The following CRACD variants were observed in gnomAD, a reference collection of about 807,000 sequenced individuals.
The protein encoded by CRACD is capping protein inhibiting regulator of actin dynamics.
In CRACD, 56 loss-of-function variants were observed where a neutral mutation model predicts 106.8. The ratio of observed to expected loss-of-function variants is 0.52; its 90% confidence interval spans 0.42 to 0.66. The LOEUF (loss-of-function observed/expected upper bound fraction) is 0.66. Among genes scored for constraint, CRACD ranks in the 30% least tolerant of loss-of-function variants. CRACD has a pLI of 0.00. For missense variants in CRACD, 1,730 were observed against 1,623.2 expected (o/e 1.07, Z -1.13); for synonymous variants, 754 against 670.8 (o/e 1.12, Z -1.92).
At chr4:56,057,624 G>A (rs1480435182) in intron 1 of CRACD, among the ~76,000 whole-genome samples, 1 of 121,810 alleles carries the variant, frequency 8.2e-6, no homozygotes, top group Non-Finnish European at 1.7e-5. Context: ...AGATAGGTTG[G>A]GTTTTTTTTT....
chr4:56,204,359 A>T (rs1176517049), intron 2 of CRACD, among the ~76,000 whole-genome samples: 2 of 152,230 alleles, frequency 1.3e-5, no homozygotes, highest in Non-Finnish European at 2.9e-5. Flanking sequence ...TATTTCTTAC[A>T]GTTCTGGAGG....
intron 1 of CRACD, among the ~76,000 whole-genome samples, chr4:56,147,704 A>G (rs1735437217): frequency 6.6e-6 from 1 of 152,174 alleles, no homozygotes; most frequent in Non-Finnish European, 1.5e-5. Flanking sequence ...TAACCTTTTG[A>G]GAAATTGGCA....
chr4:56,049,802 A>C (rs1731808900), intron 1 of CRACD: 1 of 152,210 alleles, frequency 6.6e-6, no homozygotes, highest in Non-Finnish European at 1.5e-5. Flanking sequence ...CCCAATTCTG[A>C]TGAGCCACCA....
rs1201021548 is a variant in CRACD, at chr4:56,316,125, A to G, written c.2623A>G (p.Thr875Ala). The G allele has an allele frequency of 6.2e-7, 1 of 1,614,176 alleles. No homozygotes were observed. Among genetic ancestry groups the G allele is most frequent in the South Asian group, 1.1e-5 (1 of 91,088 alleles). Residue 875 changes from threonine to alanine, a missense_variant, in exon 8 of 11, where the codon ACC becomes GCC. Physicochemically the swap from Thr to Ala is moderately conservative, Grantham distance 58. Transcript: ENST00000682029. The part of the protein sequence containing the change: ...EQKKKKRHSS[T>A]GDSADAGPPA... ...GAAGAAGAAGAAGAGGCACAGCAGCACCGGAGACAGCGCGGATGCAGGGCC... is the reference window on the plus strand; with the variant it reads ...GAAGAAGAAGAAGAGGCACAGCAGCGCCGGAGACAGCGCGGATGCAGGGCC...
chr4:56,322,512 A>G (rs1040173759), intron 8 of CRACD, among the ~76,000 whole-genome samples: 1 of 152,214 alleles, frequency 6.6e-6, no homozygotes, highest in Admixed American at 6.5e-5. Context: ...AAGCCTGTGT[A>G]CTAACTGCTG....
chr4:56,288,243 T>A (rs1049239471), intron 3 of CRACD, among the ~76,000 whole-genome samples: 1 of 152,132 alleles, frequency 6.6e-6, no homozygotes, highest in African/African-American at 2.4e-5. Flanking sequence ...TTTTAAAAAA[T>A]TCCATTTTTA....
chr4:56,291,228 C>G (rs1392605700), intron 3 of CRACD, among the ~76,000 whole-genome samples: 3 of 152,140 alleles, frequency 2.0e-5, no homozygotes, highest in African/African-American at 7.2e-5. Flanking sequence ...TCTCTTGGTT[C>G]CCTCTTAAAA....
At chr4:56,147,622 G>A (rs1160807448) in intron 1 of CRACD, among the ~76,000 whole-genome samples, 1 of 152,172 alleles carries the variant, frequency 6.6e-6, no homozygotes, top group African/African-American at 2.4e-5. Context: ...TTTTTTGGTG[G>A]ACATATGTTT....
At chr4:56,118,652 T>G (rs1024352059) in intron 1 of CRACD, among the ~76,000 whole-genome samples, 17 of 152,154 alleles carry the variant, frequency 1.1e-4, no homozygotes, top group African/African-American at 4.1e-4. Context: ...TAGTCCCAGC[T>G]ACTAGGGAGG....
chr4:56,261,494 G>T (rs981819553), intron 2 of CRACD, among the ~76,000 whole-genome samples: 6 of 151,832 alleles, frequency 4.0e-5, no homozygotes, highest in Non-Finnish European at 5.9e-5. Flanking sequence ...TGGATTACAG[G>T]TGCCCACCAC....
At chr4:56,306,511 TCAAACAAACAAACAAA>T (rs61517832) in intron 4 of CRACD, among the ~76,000 whole-genome samples, 1 of 151,368 alleles carries the variant, frequency 6.6e-6, no homozygotes, top group Non-Finnish European at 1.5e-5. Context: ...AGACCGTGTC[TCAAACAAACAAACAAA>T]CAAACAAACA....
chr4:56,313,242 G>T lies in CRACD; in HGVS notation c.400G>T (p.Ala134Ser). 1 of 1,614,150 alleles carries T rather than the reference G, an allele frequency of 6.2e-7. No homozygotes were observed. The highest frequency in any genetic ancestry group is 2.2e-5 in the East Asian group (1 of 44,878). ...TCGGCCAAAAAGGCACTTCTCTTCT[G>T]CTGGCACCATCGAAAGTGTCAACTT... ...PSRPKRHFSSAGTIESVNLDA... is the reference protein window; with the variant it reads ...PSRPKRHFSSSGTIESVNLDA... The change falls in exon 7 of 11, where the codon GCT (alanine) becomes TCT (serine). Residue 134 changes from alanine (A) to serine (S), a missense_variant. Physicochemically the swap from Ala to Ser is moderately conservative, Grantham distance 99. This residue lies in a region of CRACD where 1,620 missense variants were observed against 1,481.6 expected (regional missense o/e 1.09). Transcript: ENST00000682029.
intron 2 of CRACD, among the ~76,000 whole-genome samples, chr4:56,252,416 T>C (rs563133780): frequency 6.6e-6 from 1 of 152,268 alleles, no homozygotes; most frequent in South Asian, 2.1e-4. Context: ...AAACTGTGAA[T>C]TGTGAAAAGC....
Position 56,217,401 on chromosome 4 carries a change from G to A in CRACD, c.-189+37971G>A, listed in dbSNP as rs79607230. ...AAGATATCAATCAATACATGTAAAA[G>A]TACATTGGTTCAGTCCAGAAAGGGG... On this transcript the variant is annotated intron_variant, in intron 2 of 10. Transcript: ENST00000682029. Among the ~76,000 whole-genome samples the A allele has an allele frequency of 7.0e-5, 10 of 142,392 alleles. No individual in the cohort carries two copies. In the East Asian group the frequency reaches 2.4e-3, roughly 35 times the overall value. The allele number at this position is 142,392 out of a possible 152,430, so 93.4% of individuals were successfully genotyped here.
chr4:56,231,288 A>T (rs766920530), intron 2 of CRACD, among the ~76,000 whole-genome samples: 29 of 152,222 alleles, frequency 1.9e-4, no homozygotes, highest in Non-Finnish European at 3.1e-4. Flanking sequence ...ATTGTCCAGC[A>T]ATATGTATCC....
At chr4:56,144,492 A>G (rs1735309840) in intron 1 of CRACD, among the ~76,000 whole-genome samples, 1 of 152,132 alleles carries the variant, frequency 6.6e-6, no homozygotes, top group Non-Finnish European at 1.5e-5. Flanking sequence ...AAGAAATAAT[A>G]ATAGATTTTG....
chr4:56,314,876 C>T lies in CRACD; in HGVS notation c.1374C>T (p.Ala458=), dbSNP rs543789864. The change falls in exon 8 of 11, where the codon GCC becomes GCT. Residue 458 remains alanine (A), a synonymous_variant. Transcript: ENST00000682029. The surrounding 1 kb of genome is among the most constrained non-coding windows in gnomAD (Gnocchi z 4.4). ...PGICEEQNPE[A]ERRREQQGRS... ...TTTGCGAGGAGCAGAACCCAGAGGCCGAGCGGCGAAGAGAGCAGCAGGGAA... is the reference window on the plus strand; with the variant it reads ...TTTGCGAGGAGCAGAACCCAGAGGCTGAGCGGCGAAGAGAGCAGCAGGGAA... The T allele has an allele frequency of 6.5e-5, 104 of 1,611,448 alleles. No individual in the cohort carries two copies. Among genetic ancestry groups the T allele is most frequent in the Middle Eastern group, 3.4e-4 (2 of 5,898 alleles).
rs760845626 is a variant in CRACD, at chr4:56,313,214, G to A, written c.372G>A (p.Pro124=). The A allele has an allele frequency of 2.4e-5, 38 of 1,613,918 alleles. No homozygotes were observed. The highest frequency in any genetic ancestry group is 1.3e-4 in the South Asian group (12 of 91,080). The change falls in exon 7 of 11, where the codon CCG becomes CCA. Residue 124 remains proline (P), a synonymous_variant. Coordinates refer to ENST00000682029, the MANE Select transcript of CRACD (RefSeq NM_001393381.1). ...CCCTACAGGTTGCTCCCGTTAAACC[G>A]TCTCGGCCAAAAAGGCACTTCTCTT... ...EMEEKVAPVK[P]SRPKRHFSSA...
At chr4:56,088,145 T>C (rs2109816427) in intron 1 of CRACD, among the ~76,000 whole-genome samples, 1 of 151,902 alleles carries the variant, frequency 6.6e-6, no homozygotes, top group South Asian at 2.1e-4. Flanking sequence ...TTTTTTTTTT[T>C]TTTTCTTTTC....
Sources: allele counts gnomAD v4.1 joint callset (sites outside exome capture counted in the v4.1 genomes callset), GRCh38; gene constraint gnomAD v4.1.1; regional missense constraint gnomAD v4.1.1; non-coding constraint Gnocchi (gnomAD v3.1); transcripts MANE v1.5; gene names NCBI Gene and HGNC (gene_info 2026-07-23, HGNC 2026-07-21).